Variants in RFTN1 observed in about 807,000 individuals in gnomAD.
RFTN1 encodes raftlin, lipid raft linker 1.
RFTN1 carries 26 observed loss-of-function variants against 46.5 expected under a neutral mutation model. The ratio of observed to expected loss-of-function variants is 0.56; its 90% CI spans 0.41 to 0.78. The LOEUF (loss-of-function observed/expected upper bound fraction) is 0.78. Ranked by LOEUF, RFTN1 falls within the 30% of genes least tolerant of loss-of-function variation. RFTN1 has a pLI of 0.00. For synonymous variants in RFTN1, 261 were observed against 284.2 expected (o/e 0.92, Z 0.82); for missense variants, 693 against 718.7 (o/e 0.96, Z 0.41).
intron 6 of RFTN1, 25 bp from the exon 7 acceptor site, chr3:16,358,072 G>GT (rs1491107456): frequency 1.6e-6 from 2 of 1,263,720 alleles, no homozygotes; most frequent in Non-Finnish European, 2.3e-6. Context: ...AAAGGCGGGG[G>GT]TGGGGGGGGT....
intron 2 of RFTN1, among the ~76,000 whole-genome samples, chr3:16,469,837 A>T (rs2076164649): frequency 6.6e-6 from 1 of 152,202 alleles, no homozygotes; most frequent in Non-Finnish European, 1.5e-5. Flanking sequence ...CAATCACAGC[A>T]AGTACATCCC....
At chr3:16,439,490 G>A (rs2075580743) in intron 2 of RFTN1, among the ~76,000 whole-genome samples, 1 of 152,130 alleles carries the variant, frequency 6.6e-6, no homozygotes, top group African/African-American at 2.4e-5. Flanking sequence ...ACTTTGGATG[G>A]GCAATTGCAA....
Position 16,356,853 on chromosome 3 carries a change from C to T in RFTN1, c.1146+1079G>A, listed in dbSNP as rs570452744. On this transcript the variant is annotated intron_variant, in intron 7 of 9. Coordinates refer to ENST00000334133, the MANE Select transcript of RFTN1 (RefSeq NM_015150.2). The surrounding 1 kb of genome is among the most constrained non-coding windows in gnomAD (Gnocchi z 4.9). Reference sequence around the variant, plus strand: ...GTCCATGGCTGGGCACGGTGGCTCACGCTGTAATCCCAGCACTTCAACAGG... The same window carrying T: ...GTCCATGGCTGGGCACGGTGGCTCATGCTGTAATCCCAGCACTTCAACAGG... 3.9e-5 allele frequency among the ~76,000 whole-genome samples: 6 copies of T among 152,190 alleles called. No individual in the cohort carries two copies. Among genetic ancestry groups the T allele is most frequent in the Non-Finnish European group, 8.8e-5 (6 of 68,026 alleles).
In RFTN1 at chr3:16,449,617, T is replaced by C. The variant is rs1048965122; in HGVS notation, c.146-15580A>G. On this transcript the variant is annotated intron_variant, in intron 2 of 9. Transcript: ENST00000334133. This position sits in a 1 kb window ranked among gnomAD's most constrained non-coding sequence, Gnocchi z 5.1. ...TTGTTACTAACGTGACAGACTGTCA[T>C]GTCCACGAGTTGATCCTTAAGTCTC... is the stretch of plus-strand genomic sequence containing the variant. 6.6e-6 allele frequency among the ~76,000 whole-genome samples: 1 copy of C among 152,210 alleles called. No homozygotes were observed. The highest frequency in any genetic ancestry group is 1.5e-5 in the Non-Finnish European group (1 of 68,044).
intron 2 of RFTN1, chr3:16,472,026 G>C (rs2076206134): frequency 6.6e-6 from 1 of 151,866 alleles, no homozygotes; most frequent in African/African-American, 2.4e-5. Context: ...CAGAGACCAA[G>C]CACCTCCTGA....
chr3:16,397,941 T>G (rs920083628), intron 4 of RFTN1, among the ~76,000 whole-genome samples: 1 of 152,180 alleles, frequency 6.6e-6, no homozygotes, highest in Non-Finnish European at 1.5e-5. Flanking sequence ...CTTCAGAGCC[T>G]TGACTCTTTT....
chr3:16,493,673 C>T (rs1216996083), intron 2 of RFTN1, 52 bp downstream of exon 2: 14 of 1,442,350 alleles, frequency 9.7e-6, no homozygotes, highest in African/African-American at 2.9e-5. Flanking sequence ...CCCCTGCAGG[C>T]CCCTGCTGGA....
intron 1 of RFTN1, among the ~76,000 whole-genome samples, chr3:16,497,728 A>G (rs1300565780): frequency 6.6e-6 from 1 of 152,236 alleles, no homozygotes; most frequent in Non-Finnish European, 1.5e-5. Flanking sequence ...CATTCCTTTG[A>G]AATCAGAATT....
intron 2 of RFTN1, among the ~76,000 whole-genome samples, chr3:16,482,032 G>A (rs1284310862): frequency 6.6e-6 from 1 of 152,046 alleles, no homozygotes; most frequent in South Asian, 2.1e-4. Context: ...CCAGCACTAC[G>A]CTCCAGTGGG....
intron 4 of RFTN1, among the ~76,000 whole-genome samples, chr3:16,378,352 T>G (rs1470345840): frequency 1.3e-5 from 2 of 152,198 alleles, no homozygotes; most frequent in Admixed American, 1.3e-4. Flanking sequence ...CTTTGAAGAG[T>G]TGAAATCACT....
rs1303427990 is a variant in RFTN1, at chr3:16,335,526, C to A, written c.1147-8650G>T. ...TAACGCAGGAACAGAAAATCAAACA[C>A]CACATGTTCTCACTTACAAGTGGGA... is the stretch of plus-strand genomic sequence containing the variant. On this transcript the variant is annotated intron_variant, in intron 7 of 9. Transcript: ENST00000334133. This position sits in a 1 kb window ranked among gnomAD's most constrained non-coding sequence, Gnocchi z 4.7. Among the ~76,000 whole-genome samples, 1 of 152,164 alleles carries A rather than the reference C, an allele frequency of 6.6e-6. No homozygotes were observed. Among genetic ancestry groups the A allele is most frequent in the East Asian group, 1.9e-4 (1 of 5,186 alleles).
chr3:16,435,728 A>C (rs1388589659), intron 2 of RFTN1, among the ~76,000 whole-genome samples: 2 of 152,042 alleles, frequency 1.3e-5, no homozygotes, highest in African/African-American at 4.8e-5. Context: ...TTAGTGAAAA[A>C]TCTCATTCCT....
rs563250059 is a variant in RFTN1, at chr3:16,471,059, C to G, written c.145+22666G>C. Among the ~76,000 whole-genome samples the G allele has an allele frequency of 5.5e-4, 83 of 152,244 alleles. 1 individual carries two copies. Among genetic ancestry groups the G allele is most frequent in the Admixed American group, 4.6e-3 (70 of 15,288 alleles). ...TAAAAAATAAAAATAGAAGTGGTCT[C>G]CACTTTTTATATCTGTTCCCAAAAA... On this transcript the variant is annotated intron_variant, in intron 2 of 9. Coordinates refer to ENST00000334133, the MANE Select transcript of RFTN1 (RefSeq NM_015150.2).
chr3:16,404,464 T>A (rs1284219210), intron 4 of RFTN1, among the ~76,000 whole-genome samples: 1 of 126,748 alleles, frequency 7.9e-6, no homozygotes, highest in Non-Finnish European at 1.7e-5. Flanking sequence ...TATTTCTTCC[T>A]TGGGACTCCA....
intron 7 of RFTN1, among the ~76,000 whole-genome samples, chr3:16,355,793 G>A (rs1369378491): frequency 6.6e-6 from 1 of 152,232 alleles, no homozygotes; most frequent in Non-Finnish European, 1.5e-5. Flanking sequence ...ACATGATGCT[G>A]AGGCTACTGG....
chr3:16,400,762 A>G lies in RFTN1; in HGVS notation c.441+8613T>C, dbSNP rs2074580470. Among the ~76,000 whole-genome samples the G allele has an allele frequency of 6.6e-6, 1 of 152,142 alleles. No homozygotes were observed. Among genetic ancestry groups the G allele is most frequent in the Non-Finnish European group, 1.5e-5 (1 of 68,020 alleles). Reference sequence around the variant, plus strand: ...AACAGGAAGATCACAGGCTAATAAAAATAGCAAGAGGACAGAGGATCAAGA... The same window carrying G: ...AACAGGAAGATCACAGGCTAATAAAGATAGCAAGAGGACAGAGGATCAAGA... On this transcript the variant is annotated intron_variant, in intron 4 of 9. Coordinates refer to ENST00000334133, the MANE Select transcript of RFTN1 (RefSeq NM_015150.2). This position sits in a 1 kb window ranked among gnomAD's most constrained non-coding sequence, Gnocchi z 4.5.
rs571139635 is a variant in RFTN1 at position 16,422,779 on chromosome 3, C to T, written c.332+11072G>A. Among the ~76,000 whole-genome samples, 3 of 152,124 alleles carry T rather than the reference C, an allele frequency of 2.0e-5. No individual in the cohort carries two copies. The highest frequency in any genetic ancestry group is 7.2e-5 in the African/African-American group (3 of 41,416). ...TAGATTGGGATGTACATATAGAAAT[C>T]CTAACTATAATAAAGGTGGCATTTA... On this transcript the variant is annotated intron_variant, in intron 3 of 9. Coordinates refer to ENST00000334133, the MANE Select transcript of RFTN1 (RefSeq NM_015150.2). The surrounding 1 kb of genome is among the most constrained non-coding windows in gnomAD (Gnocchi z 4.6).
intron 7 of RFTN1, among the ~76,000 whole-genome samples, chr3:16,340,096 A>G (rs1003910656): frequency 1.3e-5 from 2 of 152,258 alleles, no homozygotes; most frequent in Admixed American, 1.3e-4. Flanking sequence ...GCACAAGGCC[A>G]TTATTTAGCT....
At chr3:16,472,572 C>G (rs1161812379) in intron 2 of RFTN1, 1 of 152,276 alleles carries the variant, frequency 6.6e-6, no homozygotes, top group Non-Finnish European at 1.5e-5. Context: ...GGTGGGAGGA[C>G]TGGACCAGGA....
Sources: gnomAD v4.1 joint callset for allele counts (sites outside exome capture counted in the v4.1 genomes callset) on GRCh38, gnomAD v4.1.1 for gene constraint, Gnocchi (gnomAD v3.1) non-coding constraint, MANE v1.5 for transcripts, NCBI Gene and HGNC (gene_info 2026-07-23, HGNC 2026-07-21) for gene names.